Variants in DST observed in about 807,000 individuals in gnomAD.
DST encodes the protein bullous pemphigoid antigen.
Under a neutral mutation model 875.2 loss-of-function variants are expected in DST, and 253 were observed. The observed-to-expected ratio is 0.29, with a 90% CI of 0.26 to 0.32. The LOEUF (loss-of-function observed/expected upper bound fraction) is 0.32, where lower values mean the gene tolerates loss of function less well. DST is among the 10% of genes least tolerant of loss of function. The pLI, the probability that DST is intolerant of heterozygous loss-of-function variation, is 1.00. For missense variants in DST, 8,287 were observed against 9,111.6 expected, an observed-to-expected ratio of 0.91 and a Z score of 3.68; for synonymous variants, 3,124 against 3,197.1, an observed-to-expected ratio of 0.98 and a Z score of 0.77.
Position 56,515,551 on chromosome 6 carries a change from C to G in DST, c.18475G>C (p.Glu6159Gln). 4 of 1,613,894 alleles carry G rather than the reference C, an allele frequency of 2.5e-6. No homozygotes were observed. Among genetic ancestry groups the G allele is most frequent in the Non-Finnish European group, 3.4e-6 (4 of 1,179,842 alleles). ...GTTTCTGTCAGCCATGGCCAAAGTTCTTCATATGTTTCCCAGAATTGGTTA... is the reference window on the plus strand; with the variant it reads ...GTTTCTGTCAGCCATGGCCAAAGTTGTTCATATGTTTCCCAGAATTGGTTA... ...LVNQFWETYE[E>Q]LWPWLTETQS... is the part of the protein sequence containing the mutation. The change falls in exon 72 of 104, where the codon GAA becomes CAA. Residue 6159 changes from glutamate to glutamine, a missense_variant. Physicochemically the swap from Glu to Gln is conservative, Grantham distance 29. Transcript: ENST00000680361.
At chr6:56,572,048 CA>C (rs1299378103) in intron 53 of DST, 51 bp downstream of exon 53, 1 of 1,059,636 alleles carries the variant, frequency 9.4e-7, no homozygotes, top group African/African-American at 1.7e-5. Flanking sequence ...ACAAGTATCT[CA>C]CTCTAATTAA....
In DST at chr6:56,871,613, C is replaced by G. The variant is rs751540192; in HGVS notation, c.418-20009G>C. 1.8e-4 allele frequency: 140 copies of G among 767,356 alleles called. 1 individual carries two copies. The Middle Eastern group carries it at 7.6e-3, about 41-fold the overall frequency. 47.5% of individuals were successfully genotyped at this position (767,356 alleles called of 1,614,324 possible). A position where few individuals can be genotyped will look rare whatever the true frequency, so the allele number is the denominator to read the frequency against. On this transcript the variant is annotated intron_variant, in intron 3 of 103. Transcript: ENST00000680361. ...ATGGTTGGATTAACCCATACATGAG[C>G]TCTCTCTGCCACATCGAGATGATCC... is the stretch of plus-strand genomic sequence containing the variant.
chr6:56,926,970 A>G (rs1807528184), intron 2 of DST, among the ~76,000 whole-genome samples: 1 of 152,214 alleles, frequency 6.6e-6, no homozygotes, highest in South Asian at 2.1e-4. Flanking sequence ...CAAAAACAGT[A>G]TCAGTAGGTA....
At position 56,569,967 on chromosome 6, in the gene DST, T is replaced by C. The variant is rs1364827811; in HGVS notation, c.13767A>G (p.Gln4589=). 1 of 1,608,058 alleles carries C rather than the reference T, an allele frequency of 6.2e-7. No homozygotes were observed. Among genetic ancestry groups the C allele is most frequent in the Non-Finnish European group, 8.5e-7 (1 of 1,178,236 alleles). The change falls in exon 54 of 104, where the codon CAA becomes CAG. Residue 4589 remains glutamine, a synonymous_variant. Transcript: ENST00000680361. ...ATGACTTCAATGATTTAACAAGAAC[T>C]TGGAAAGCATCCAACTGTTCTTGAC... ...TSCQEQLDAF[Q]VLVKSLKSWI... is the part of the protein sequence containing the mutation.
intron 4 of DST, among the ~76,000 whole-genome samples, chr6:56,774,676 T>G (rs1303971143): frequency 2.0e-5 from 3 of 152,126 alleles, no homozygotes; most frequent in African/African-American, 7.2e-5. Context: ...ACCTACTAAA[T>G]TCTGTGCTAA....
intron 5 of DST, among the ~76,000 whole-genome samples, chr6:56,726,751 C>T (rs546243817): frequency 6.6e-5 from 10 of 152,296 alleles, no homozygotes; most frequent in Admixed American, 1.3e-4. Context: ...AAGCCTTTCA[C>T]TTCTCCATCA....
intron 2 of DST, among the ~76,000 whole-genome samples, chr6:56,919,396 G>C (rs1475865012): frequency 1.3e-5 from 2 of 152,126 alleles, no homozygotes; most frequent in Admixed American, 6.5e-5. Context: ...AGTATAGTGT[G>C]AGAGACACAA....
At chr6:56,602,097 G>T in intron 43 of DST, 1 of 305,410 alleles carries the variant, frequency 3.3e-6, no homozygotes. Context: ...AAATATGAAT[G>T]AAATATGCCA....
intron 58 of DST, among the ~76,000 whole-genome samples, chr6:56,558,660 T>G (rs1337441885): frequency 6.6e-6 from 1 of 152,152 alleles, no homozygotes; most frequent in South Asian, 2.1e-4. Flanking sequence ...GTCACTTCAC[T>G]GCTCAAATCC....
intron 10 of DST, among the ~76,000 whole-genome samples, chr6:56,666,984 C>T (rs1342600136): frequency 6.6e-6 from 1 of 151,216 alleles, no homozygotes; most frequent in African/African-American, 2.4e-5. Context: ...AGTCAAGCAA[C>T]TGAAAGTAGA....
intron 3 of DST, among the ~76,000 whole-genome samples, chr6:56,898,496 G>GTAA (rs1434970145): frequency 9.9e-5 from 15 of 152,078 alleles, no homozygotes; most frequent in African/African-American, 3.6e-4. Context: ...GGGGAGATTA[G>GTAA]AAGAAGCAAA....
chr6:56,560,439 T>C lies in DST; in HGVS notation c.14311-16A>G, dbSNP rs2152565583. On this transcript the variant is annotated splice_polypyrimidine_tract_variant and intron_variant, in intron 57 of 103. Transcript: ENST00000680361. ...CCTCAAACGACTAACAAGGGAAAAA[T>C]AATAATAAATCATGTGTACAGCAAA... The C allele has an allele frequency of 1.9e-6, 3 of 1,576,606 alleles. No individual in the cohort carries two copies. Among genetic ancestry groups the C allele is most frequent in the Non-Finnish European group, 2.6e-6 (3 of 1,158,568 alleles).
chr6:56,629,584 T>C, intron 31 of DST, 141 bp from the exon 32 acceptor site: 1 of 678,974 alleles, frequency 1.5e-6, no homozygotes, highest in South Asian at 1.9e-5. Context: ...ATATGCACAA[T>C]ATTATATTAG....
chr6:56,763,684 T>TATACACAC (rs1554721698), intron 4 of DST, among the ~76,000 whole-genome samples: 5 of 117,100 alleles, frequency 4.3e-5, no homozygotes, highest in African/African-American at 1.7e-4. Context: ...AAAATACCTA[T>TATACACAC]ACACACACAC....
intron 90 of DST, among the ~76,000 whole-genome samples, chr6:56,480,455 A>G (rs2095363015): frequency 6.6e-6 from 1 of 152,140 alleles, no homozygotes; most frequent in South Asian, 2.1e-4. Context: ...TGCCCTTCCA[A>G]CCTAGTCTGA....
chr6:56,871,615 C>T (rs1436564546), intron 3 of DST: 2 of 765,552 alleles, frequency 2.6e-6, no homozygotes, highest in Admixed American at 3.4e-5. Context: ...TACATGAGCT[C>T]TCTCTGCCAC....
Position 56,607,005 on chromosome 6 carries a change from A to C in DST, c.7623T>G (p.Phe2541Leu), listed in dbSNP as rs759366565. 6.2e-7 allele frequency: 1 copy of C among 1,613,508 alleles called. No individual in the cohort carries two copies. The highest frequency in any genetic ancestry group is 1.1e-5 in the South Asian group (1 of 91,074). The change falls in exon 40 of 104, where the codon TTT (phenylalanine) becomes TTG (leucine). Residue 2541 changes from phenylalanine (F) to leucine (L), a missense_variant. Physicochemically the swap from Phe to Leu is conservative, Grantham distance 22. Transcript: ENST00000680361. ...SGEDEKTHPG[F>L]QQMPEDKEDE... ...CTTCCTTGTCTTCAGGCATCTGCTGAAAACCTGGATGTGTTTTTTCATCCT... is the reference window on the plus strand; with the variant it reads ...CTTCCTTGTCTTCAGGCATCTGCTGCAAACCTGGATGTGTTTTTTCATCCT...
At position 56,517,617 on chromosome 6, in the gene DST, C is replaced by A; in HGVS notation, c.18133G>T (p.Asp6045Tyr). 6.2e-7 allele frequency: 1 copy of A among 1,611,662 alleles called. No individual in the cohort carries two copies. Among genetic ancestry groups the A allele is most frequent in the South Asian group, 1.1e-5 (1 of 90,690 alleles). The change falls in exon 70 of 104, where the codon GAC becomes TAC. Residue 6045 changes from aspartate to tyrosine, a missense_variant. This residue lies in a region of DST where 777 missense variants were observed against 764.8 expected (regional missense o/e 1.02). Coordinates refer to ENST00000680361, the MANE Select transcript of DST (RefSeq NM_001374736.1). ...DAAILRSQQF[D>Y]QAADAELSWI... ...GATAACTCAGCATCAGCTGCTTGGT[C>A]AAACTAAACAAAAGATAAATAATTA...
intron 9 of DST, among the ~76,000 whole-genome samples, chr6:56,687,031 C>G (rs185327197): frequency 2.0e-5 from 3 of 152,106 alleles, no homozygotes; most frequent in Non-Finnish European, 4.4e-5. Flanking sequence ...AGTGACTCCC[C>G]GTAACACTGC....
Sources: gnomAD v4.1 joint callset for allele counts (sites outside exome capture counted in the v4.1 genomes callset) on GRCh38, gnomAD v4.1.1 for gene constraint, gnomAD v4.1.1 regional missense constraint, MANE v1.5 for transcripts, NCBI Gene and HGNC (gene_info 2026-07-23, HGNC 2026-07-21) for gene names.